The following NLRP13 variants were observed in gnomAD, a reference collection of about 807,000 sequenced individuals.
NLRP13 encodes NACHT, LRR and PYD domains-containing protein 13.
Under a neutral mutation model 94.4 loss-of-function variants are expected in NLRP13, and 82 were observed. That is an observed-to-expected ratio of 0.87 (90% CI 0.73 to 1.04). The LOEUF (loss-of-function observed/expected upper bound fraction) is 1.04, where lower values mean the gene tolerates loss of function less well. Ranked by LOEUF, NLRP13 falls within the 50% of genes least tolerant of loss-of-function variation. NLRP13 has a pLI of 0.00. For missense variants in NLRP13, 1,426 were observed against 1,230.8 expected (o/e 1.16, Z -2.37); for synonymous variants, 553 against 464.7 (o/e 1.19, Z -2.45).
intron 10 of NLRP13, among the ~76,000 whole-genome samples, chr19:55,897,747 G>T (rs1220261856): frequency 6.6e-6 from 1 of 152,132 alleles, no homozygotes; most frequent in African/African-American, 2.4e-5. Flanking sequence ...AATTTAATGT[G>T]TGGTGTCTAT....
At chr19:55,922,844 A>G (rs866340192) in intron 4 of NLRP13, among the ~76,000 whole-genome samples, 1 of 152,220 alleles carries the variant, frequency 6.6e-6, no homozygotes, top group Non-Finnish European at 1.5e-5. Context: ...TAGATAACCG[A>G]TTGGAAAACT....
chr19:55,923,883 G>A (rs755949644), intron 4 of NLRP13, 31 bp downstream of exon 4: 16 of 1,548,962 alleles, frequency 1.0e-5, no homozygotes, highest in Middle Eastern at 3.4e-4. Flanking sequence ...CAAGCAACCT[G>A]TCCATTATCA....
chr19:55,897,335 A>C lies in NLRP13; in HGVS notation c.2958-1216T>G, dbSNP rs529801365. ...GGAGTTTGAGACCAGACTGGGCAAC[A>C]TGGTGAAACCTCATTTCCATAATAA... On this transcript the variant is annotated intron_variant, in intron 10 of 10. Coordinates refer to ENST00000342929, the MANE Select transcript of NLRP13 (RefSeq NM_176810.2). 2.0e-5 allele frequency among the ~76,000 whole-genome samples: 3 copies of C among 152,300 alleles called. No individual in the cohort carries two copies. In the East Asian group the frequency reaches 5.8e-4, roughly 29 times the overall value.
intron 1 of NLRP13, among the ~76,000 whole-genome samples, chr19:55,927,227 G>C (rs1302845428): frequency 1.3e-5 from 2 of 151,814 alleles, no homozygotes; most frequent in Non-Finnish European, 2.9e-5. Context: ...AAATTAGCTG[G>C]GTGTGGTGGT....
intron 4 of NLRP13, among the ~76,000 whole-genome samples, chr19:55,923,713 C>T (rs766772650): frequency 1.4e-4 from 22 of 152,122 alleles, no homozygotes; most frequent in Non-Finnish European, 2.1e-4. Context: ...TTTTTTCATT[C>T]GTTGTTCGGC....
intron 4 of NLRP13, among the ~76,000 whole-genome samples, chr19:55,919,000 A>C (rs998983479): frequency 6.6e-6 from 1 of 152,118 alleles, no homozygotes; most frequent in Non-Finnish European, 1.5e-5. Flanking sequence ...TGATCCAACA[A>C]CACATAAAAA....
At chr19:55,894,401 A>G (rs2123095752), downstream of NLRP13, among the ~76,000 whole-genome samples, 1 of 152,234 alleles carries the variant, frequency 6.6e-6, no homozygotes, top group East Asian at 1.9e-4. Flanking sequence ...TTCTAATTAA[A>G]TGCTCTTCTC....
intron 8 of NLRP13, among the ~76,000 whole-genome samples, chr19:55,904,433 G>C (rs1231938268): frequency 6.6e-6 from 1 of 152,112 alleles, no homozygotes; most frequent in African/African-American, 2.4e-5. Context: ...GCATACGGCT[G>C]CCTCCCCCTT....
chr19:55,903,310 A>T (rs1057356289), intron 8 of NLRP13, among the ~76,000 whole-genome samples: 2 of 152,112 alleles, frequency 1.3e-5, no homozygotes, highest in African/African-American at 4.8e-5. Flanking sequence ...AGAGGGCCAG[A>T]GTCTGTGGTT....
intron 1 of NLRP13, 24 bp from the exon 2 acceptor site, chr19:55,925,059 A>G (rs771554190): frequency 1.2e-6 from 2 of 1,606,828 alleles, no homozygotes; most frequent in South Asian, 1.1e-5. Context: ...TGATGATGAC[A>G]TATGAGAATA....
In NLRP13 at chr19:55,912,566, A is replaced by C; in HGVS notation, c.1251T>G (p.Thr417=). The change falls in exon 5 of 11, where the codon ACT becomes ACG. Residue 417 remains threonine (T), a synonymous_variant. Coordinates refer to ENST00000342929, the MANE Select transcript of NLRP13 (RefSeq NM_176810.2). ...TGGGGGCACTGCAGGAATGAAAGAGAGTTTCGTTTTTTCTTAGCTGCTGCA... is the reference window on the plus strand; with the variant it reads ...TGGGGGCACTGCAGGAATGAAAGAGCGTTTCGTTTTTTCTTAGCTGCTGCA... The part of the protein sequence containing the change: ...KILQQLRKNE[T]LFHSCSAPMV... The C allele has an allele frequency of 6.2e-7, 1 of 1,614,076 alleles. No homozygotes were observed. Among genetic ancestry groups the C allele is most frequent in the Middle Eastern group, 1.6e-4 (1 of 6,062 alleles).
At chr19:55,925,802 G>A (rs1184310152) in intron 1 of NLRP13, among the ~76,000 whole-genome samples, 4 of 152,128 alleles carry the variant, frequency 2.6e-5, no homozygotes, top group Non-Finnish European at 4.4e-5. Context: ...GCTTGTCACT[G>A]TTTACATGGC....
chr19:55,925,785 C>T (rs1462667198), intron 1 of NLRP13, among the ~76,000 whole-genome samples: 2 of 152,166 alleles, frequency 1.3e-5, no homozygotes, highest in African/African-American at 4.8e-5. Context: ...ATATTTACAA[C>T]TCCATTGCTT....
intron 1 of NLRP13, among the ~76,000 whole-genome samples, chr19:55,930,898 A>ATATATATATATATATATATATAT: frequency 2.9e-5 from 3 of 104,888 alleles, no homozygotes; most frequent in Admixed American, 2.3e-4. Flanking sequence ...ATATATATAT[A>ATATATATATATATATATATATAT]AAATTTTAAC....
chr19:55,899,805 C>T (rs11084416), intron 9 of NLRP13, among the ~76,000 whole-genome samples: 31,023 of 151,904 alleles, frequency 0.2, 4,573 homozygotes, highest in African/African-American at 0.38. Context: ...ACGTGAAGAA[C>T]GTCCATATGG....
intron 10 of NLRP13, among the ~76,000 whole-genome samples, chr19:55,897,404 C>A (rs986835089): frequency 6.6e-6 from 1 of 152,026 alleles, no homozygotes; most frequent in African/African-American, 2.4e-5. Context: ...CCTGTTGTCC[C>A]AGCTACTCAG....
chr19:55,912,535 A>G lies in NLRP13; in HGVS notation c.1282T>C (p.Cys428Arg). The change falls in exon 5 of 11, where the codon TGT (cysteine) becomes CGT (arginine). Residue 428 changes from cysteine to arginine, a missense_variant. Cys to Arg is a radical substitution (Grantham distance 180, BLOSUM62 -3). Coordinates refer to ENST00000342929, the MANE Select transcript of NLRP13 (RefSeq NM_176810.2). ...LFHSCSAPMV[C>R]WTVCSCLKQP... ...TTCAGACAGGAACATACGGTCCAAC[A>G]CACCATGGGGGCACTGCAGGAATGA... The G allele has an allele frequency of 3.7e-6, 6 of 1,614,148 alleles. No homozygotes were observed. The highest frequency in any genetic ancestry group is 4.2e-6 in the Non-Finnish European group (5 of 1,179,998).
Position 55,912,347 on chromosome 19 carries a change from C to A in NLRP13, c.1470G>T (p.Gly490=). ...WRALCSLAIE[G]LWSMNFTFNK... ...TAAACGTGAAGTTCATAGACCACAG[C>A]CCTTCTATGGCCAGACTGCAGAGGG... Residue 490 remains glycine (G), a synonymous_variant, in exon 5 of 11, where the codon GGG becomes GGT. Transcript: ENST00000342929. 2 of 1,614,088 alleles carry A rather than the reference C, an allele frequency of 1.2e-6. No individual in the cohort carries two copies. The highest frequency in any genetic ancestry group is 1.7e-6 in the Non-Finnish European group (2 of 1,179,984).
intron 8 of NLRP13, among the ~76,000 whole-genome samples, chr19:55,903,256 C>A (rs1986241087): frequency 6.6e-6 from 1 of 152,064 alleles, no homozygotes; most frequent in African/African-American, 2.4e-5. Context: ...TAATCCCATT[C>A]TTGGAGACTC....
Sources: allele counts gnomAD v4.1 joint callset (sites outside exome capture counted in the v4.1 genomes callset), GRCh38; gene constraint gnomAD v4.1.1; transcripts MANE v1.5; gene names NCBI Gene and HGNC (gene_info 2026-07-23, HGNC 2026-07-21).